The following EPHA3 variants were observed in gnomAD, a reference collection of about 807,000 sequenced individuals.
EPHA3 encodes ephrin type-A receptor 3.
Under a neutral mutation model 107.1 loss-of-function variants are expected in EPHA3, and 42 were observed. That is an observed-to-expected ratio of 0.39 (90% confidence interval 0.31 to 0.51). EPHA3 has a LOEUF of 0.51. Ranked by LOEUF, EPHA3 falls within the 20% of genes least tolerant of loss-of-function variation. The probability of loss-of-function intolerance (pLI) is 0.78; values close to 1 mark genes in which losing one functional copy is unlikely to be tolerated. For missense variants in EPHA3, 1,183 were observed against 1,211.2 expected (o/e 0.98, Z 0.35); for synonymous variants, 461 against 424.8 (o/e 1.09, Z -1.05).
At chr3:89,218,631 T>A (rs1704276506) in intron 3 of EPHA3, among the ~76,000 whole-genome samples, 1 of 152,146 alleles carries the variant, frequency 6.6e-6, no homozygotes, top group Non-Finnish European at 1.5e-5. Context: ...GCATGATTTA[T>A]AATCCTTTGG....
intron 2 of EPHA3, among the ~76,000 whole-genome samples, chr3:89,174,151 T>A (rs1489764941): frequency 1.3e-5 from 2 of 152,046 alleles, no homozygotes; most frequent in African/African-American, 4.8e-5. Flanking sequence ...TAATTGTGAA[T>A]CTTAGGGACT....
chr3:89,460,584 C>G (rs1156318144), intron 15 of EPHA3, among the ~76,000 whole-genome samples: 1 of 149,480 alleles, frequency 6.7e-6, no homozygotes, highest in African/African-American at 2.5e-5. Flanking sequence ...TAGTAAAAAG[C>G]TTCTGATCTC....
chr3:89,203,231 G>GT (rs1315138574), intron 2 of EPHA3, among the ~76,000 whole-genome samples: 3 of 149,986 alleles, frequency 2.0e-5, no homozygotes, highest in African/African-American at 4.9e-5. Flanking sequence ...AATCACCTAG[G>GT]TTTTTTTGGT....
Position 89,400,535 on chromosome 3 carries a change from T to A in EPHA3, c.1594+1055T>A, listed in dbSNP as rs922741442. Among the ~76,000 whole-genome samples, 40 of 152,126 alleles carry A rather than the reference T, an allele frequency of 2.6e-4. 1 individual carries two copies. The highest frequency in any genetic ancestry group is 3.2e-4 in the Non-Finnish European group (22 of 68,038). On this transcript the variant is annotated intron_variant, in intron 7 of 16. Transcript: ENST00000336596. ...ATAGGCGTGAGCCACCTCGCCCGGC[T>A]GTTTAACTCATTAATTAATAAACAG...
At chr3:89,455,433 A>G (rs1710077957) in intron 15 of EPHA3, among the ~76,000 whole-genome samples, 1 of 152,242 alleles carries the variant, frequency 6.6e-6, no homozygotes, top group Admixed American at 6.5e-5. Context: ...GGAGTCTGTC[A>G]TGAACCTAAG....
intron 3 of EPHA3, among the ~76,000 whole-genome samples, chr3:89,266,617 A>G (rs971539304): frequency 1.3e-5 from 2 of 152,154 alleles, no homozygotes; most frequent in African/African-American, 4.8e-5. Context: ...CTTTTCTTAC[A>G]TAAGTAGCAT....
rs567866142 is a variant in EPHA3, at chr3:89,424,101, G to A, written c.2074+4711G>A. Among the ~76,000 whole-genome samples, 288 of 151,382 alleles carry A rather than the reference G, an allele frequency of 1.9e-3. 1 individual carries two copies. The highest frequency in any genetic ancestry group is 1.4e-3 in the Non-Finnish European group (97 of 67,484). On this transcript the variant is annotated intron_variant, in intron 11 of 16. Transcript: ENST00000336596. ...CAAACTATACAGCTATTATCAGAAA[G>A]TATAATAACATTATTGTAATGCATA...
chr3:89,265,058 C>T (rs1044477636), intron 3 of EPHA3, among the ~76,000 whole-genome samples: 6 of 151,972 alleles, frequency 3.9e-5, no homozygotes, highest in African/African-American at 1.5e-4. Context: ...TTAACATATC[C>T]TTTGGAAATT....
intron 5 of EPHA3, among the ~76,000 whole-genome samples, chr3:89,359,375 A>AC (rs1708037932): frequency 1.3e-5 from 2 of 150,838 alleles, no homozygotes; most frequent in African/African-American, 4.8e-5. Context: ...TATGAAAAGT[A>AC]AAAACGATTA....
At chr3:89,297,824 C>A (rs1374398535) in intron 3 of EPHA3, among the ~76,000 whole-genome samples, 1 of 152,208 alleles carries the variant, frequency 6.6e-6, no homozygotes, top group Admixed American at 6.5e-5. Flanking sequence ...CACTTGAGGT[C>A]AGGGGTTTGA....
intron 3 of EPHA3, among the ~76,000 whole-genome samples, chr3:89,322,764 C>G (rs1484044844): frequency 6.6e-6 from 1 of 152,068 alleles, no homozygotes; most frequent in Non-Finnish European, 1.5e-5. Context: ...GGTGCTTTTA[C>G]CAGCAAGTAC....
At chr3:89,260,809 C>CTCTGTGCTG in intron 3 of EPHA3, among the ~76,000 whole-genome samples, 1 of 152,014 alleles carries the variant, frequency 6.6e-6, no homozygotes, top group Non-Finnish European at 1.5e-5. Flanking sequence ...CAGTCAAAAT[C>CTCTGTGCTG]ACCCTCTGTG....
chr3:89,406,684 C>A (rs1293852555), intron 7 of EPHA3, among the ~76,000 whole-genome samples: 2 of 152,072 alleles, frequency 1.3e-5, no homozygotes, highest in Non-Finnish European at 2.9e-5. Context: ...GTGAGCTGTA[C>A]AAAAACAGGG....
At chr3:89,179,730 C>T (rs1236882603) in intron 2 of EPHA3, among the ~76,000 whole-genome samples, 3 of 150,420 alleles carry the variant, frequency 2.0e-5, no homozygotes, top group African/African-American at 2.4e-5. Context: ...GCTCCTTTTT[C>T]GCTTTTTCCT....
intron 5 of EPHA3, among the ~76,000 whole-genome samples, chr3:89,378,836 T>C (rs116067726): frequency 0.016 from 2,437 of 150,030 alleles, 68 homozygotes; most frequent in African/African-American, 0.055. Flanking sequence ...TTCTAATGTG[T>C]TGAAATTGTA....
intron 2 of EPHA3, among the ~76,000 whole-genome samples, chr3:89,139,200 G>A (rs1270528944): frequency 1.3e-5 from 2 of 151,860 alleles, no homozygotes; most frequent in African/African-American, 2.4e-5. Flanking sequence ...GAGATGCAAT[G>A]CAATGTTTTA....
intron 2 of EPHA3, among the ~76,000 whole-genome samples, chr3:89,178,429 G>A (rs1391073320): frequency 2.0e-5 from 3 of 152,038 alleles, no homozygotes; most frequent in Non-Finnish European, 2.9e-5. Context: ...GAAGGAATTA[G>A]AAATAGGAGT....
intron 10 of EPHA3, among the ~76,000 whole-genome samples, chr3:89,417,719 A>G (rs1283712684): frequency 1.3e-5 from 2 of 151,424 alleles, no homozygotes; most frequent in Non-Finnish European, 3.0e-5. Flanking sequence ...AGATATCATT[A>G]TCTTCTCTAC....
intron 7 of EPHA3, among the ~76,000 whole-genome samples, chr3:89,402,787 C>A (rs1282159997): frequency 1.3e-5 from 2 of 152,144 alleles, no homozygotes; most frequent in Admixed American, 1.3e-4. Flanking sequence ...AATCCGCCTC[C>A]TGGGTTCAAG....
Sources: allele counts gnomAD v4.1 joint callset (sites outside exome capture counted in the v4.1 genomes callset), GRCh38; gene constraint gnomAD v4.1.1; transcripts MANE v1.5; gene names NCBI Gene and HGNC (gene_info 2026-07-23, HGNC 2026-07-21).